Variants in USH2A observed in about 807,000 individuals in gnomAD.
The protein encoded by USH2A is usherin, also known as Usher syndrome 2A (autosomal recessive, mild).
Under a neutral mutation model 538.9 loss-of-function variants are expected in USH2A, and 443 were observed. That is an observed-to-expected ratio of 0.82 (90% CI 0.76 to 0.89). USH2A has a LOEUF of 0.89. Among genes scored for constraint, USH2A ranks in the 40% least tolerant of loss-of-function variants. USH2A has a pLI of 0.00. For synonymous variants in USH2A, 2,413 were observed against 2,273.5 expected (o/e 1.06, Z -1.75); for missense variants, 6,633 against 6,324.8 (o/e 1.05, Z -1.65).
At chr1:216,027,446 G>A (rs529576332) in intron 32 of USH2A, among the ~76,000 whole-genome samples, 1 of 152,164 alleles carries the variant, frequency 6.6e-6, no homozygotes, top group Non-Finnish European at 1.5e-5. Context: ...ATTTTGTCAT[G>A]GCAGCCCTAG....
In USH2A at chr1:216,152,138, C is replaced by G. The variant is rs943062139; in HGVS notation, c.4627+23114G>C. ...GTCCATTCTCTCTCCATACCACCCC[C>G]CAAAAATTTTCGCCGCCCCAACACT... On this transcript the variant is annotated intron_variant, in intron 21 of 71. Transcript: ENST00000307340. Among the ~76,000 whole-genome samples, 11 of 152,226 alleles carry G rather than the reference C, an allele frequency of 7.2e-5. 1 individual carries two copies. In the Middle Eastern group the frequency reaches 0.01, roughly 141 times the overall value.
Position 216,401,687 on chromosome 1 carries a change from A to G in USH2A, c.651+16827T>C, listed in dbSNP as rs183800517. Among the ~76,000 whole-genome samples the G allele has an allele frequency of 5.2e-4, 79 of 152,172 alleles. 2 individuals carry two copies. The highest frequency in any genetic ancestry group is 2.7e-4 in the Non-Finnish European group (18 of 67,906). Reference sequence around the variant, plus strand: ...ATAGCATAGATTTCAGAACAAACCAAATATCTAGAGGTTAAGAGGGACATT... The same window carrying G: ...ATAGCATAGATTTCAGAACAAACCAGATATCTAGAGGTTAAGAGGGACATT... On this transcript the variant is annotated intron_variant, in intron 3 of 71. Transcript: ENST00000307340.
intron 19 of USH2A, among the ~76,000 whole-genome samples, chr1:216,191,683 C>A (rs112781841): frequency 0.012 from 1,814 of 151,904 alleles, 30 homozygotes; most frequent in African/African-American, 0.041. Flanking sequence ...AAACCTTGAA[C>A]TGAGTTAAAC....
At chr1:215,969,860 A>C (rs923824663) in intron 36 of USH2A, among the ~76,000 whole-genome samples, 1 of 152,184 alleles carries the variant, frequency 6.6e-6, no homozygotes, top group Non-Finnish European at 1.5e-5. Flanking sequence ...CATTGCCAAA[A>C]AATATCTAAG....
intron 38 of USH2A, among the ~76,000 whole-genome samples, chr1:215,933,492 C>A (rs1404611742): frequency 2.0e-5 from 3 of 151,918 alleles, no homozygotes; most frequent in African/African-American, 7.2e-5. Context: ...TTTACAGTTT[C>A]AAGTATTTTA....
At chr1:215,762,950 A>G (rs1661022879) in intron 56 of USH2A, among the ~76,000 whole-genome samples, 1 of 152,144 alleles carries the variant, frequency 6.6e-6, no homozygotes. Flanking sequence ...ATTTATCTTG[A>G]GTTGCATGCC....
chr1:216,236,078 T>C (rs1041747387), intron 13 of USH2A, among the ~76,000 whole-genome samples: 1 of 152,158 alleles, frequency 6.6e-6, no homozygotes, highest in Admixed American at 6.6e-5. Context: ...CTAAAATTAC[T>C]TCTAGACTTG....
At chr1:215,950,996 G>A (rs116159475) in intron 37 of USH2A, among the ~76,000 whole-genome samples, 4,875 of 152,004 alleles carry the variant, frequency 0.032, 121 homozygotes, top group South Asian at 0.084. Context: ...ATCTTTTCAA[G>A]ACACCAGCTC....
chr1:216,321,390 A>G (rs1008297983), intron 9 of USH2A, among the ~76,000 whole-genome samples: 3 of 152,160 alleles, frequency 2.0e-5, no homozygotes, highest in Non-Finnish European at 2.9e-5. Context: ...ATAACTCATA[A>G]ATCATTTTAC....
chr1:216,073,379 T>A, intron 27 of USH2A, 79 bp from the exon 28 acceptor site: 1 of 1,478,396 alleles, frequency 6.8e-7, no homozygotes, highest in Non-Finnish European at 9.3e-7. Flanking sequence ...TCTGCAGCAC[T>A]ACATTTTGAG....
intron 3 of USH2A, among the ~76,000 whole-genome samples, chr1:216,412,820 T>C (rs1400372563): frequency 6.6e-6 from 1 of 151,956 alleles, no homozygotes; most frequent in African/African-American, 2.4e-5. Flanking sequence ...AGCTTGGGAC[T>C]ATAAATGTAG....
intron 53 of USH2A, 85 bp downstream of exon 53, chr1:215,782,653 G>C: frequency 7.2e-7 from 1 of 1,382,512 alleles, no homozygotes. Flanking sequence ...GATGCATAGG[G>C]CAATTAAATG....
chr1:216,421,709 T>TG, intron 2 of USH2A, 143 bp downstream of exon 2: 1 of 1,330,540 alleles, frequency 7.5e-7, no homozygotes, highest in Non-Finnish European at 1.0e-6. Context: ...AAATTTTAAT[T>TG]GGGGAAACAA....
intron 4 of USH2A, among the ~76,000 whole-genome samples, chr1:216,334,353 T>A (rs576447379): frequency 6.6e-6 from 1 of 151,956 alleles, no homozygotes; most frequent in Non-Finnish European, 1.5e-5. Flanking sequence ...GACAAGGGTA[T>A]TAAATTATAC....
rs1360807556 is a variant in USH2A, at chr1:215,694,577, C to T, written c.12067-14201G>A. ...GACAGAGAGAGACTCCATCTCAAAA[C>T]AAACAAACAAACAACCCACAAGGCA... On this transcript the variant is annotated intron_variant, in intron 61 of 71. Transcript: ENST00000307340. Among the ~76,000 whole-genome samples, 3 of 145,002 alleles carry T rather than the reference C, an allele frequency of 2.1e-5. No individual in the cohort carries two copies. The Admixed American group carries it at 2.2e-4, about 11-fold the overall frequency.
At chr1:215,953,295 A>G (rs369221043) in intron 37 of USH2A, among the ~76,000 whole-genome samples, 4,806 of 152,164 alleles carry the variant, frequency 0.032, 114 homozygotes, top group South Asian at 0.082. Context: ...TGGAGGCATC[A>G]CGCTACCTGA....
At chr1:216,377,031 C>A (rs1357168429) in intron 3 of USH2A, among the ~76,000 whole-genome samples, 1 of 151,968 alleles carries the variant, frequency 6.6e-6, no homozygotes, top group African/African-American at 2.4e-5. Context: ...ATGCTTCAGC[C>A]ATTTTGTGTC....
intron 32 of USH2A, among the ~76,000 whole-genome samples, chr1:216,022,228 C>T (rs1369032327): frequency 6.6e-6 from 1 of 152,034 alleles, no homozygotes. Flanking sequence ...TATAGGAACA[C>T]TAAATGGACT....
intron 47 of USH2A, among the ~76,000 whole-genome samples, chr1:215,818,212 G>T (rs1662913038): frequency 6.6e-6 from 1 of 151,774 alleles, no homozygotes; most frequent in African/African-American, 2.4e-5. Context: ...TTTTCGACTG[G>T]GTGGGGATCA....
Sources: allele counts gnomAD v4.1 joint callset (sites outside exome capture counted in the v4.1 genomes callset), GRCh38; gene constraint gnomAD v4.1.1; transcripts MANE v1.5; gene names NCBI Gene and HGNC (gene_info 2026-07-23, HGNC 2026-07-21).